Variants in STX18 observed in about 807,000 individuals in gnomAD.
STX18 encodes the protein syntaxin 18.
Under a neutral mutation model 50.1 loss-of-function variants are expected in STX18, and 40 were observed. That is an observed-to-expected ratio of 0.80 (90% CI 0.62 to 1.04). STX18 has a LOEUF of 1.04. Ranked by LOEUF, STX18 falls within the 50% of genes least tolerant of loss-of-function variation. The pLI is 0.00. For synonymous variants in STX18, 158 were observed against 151.8 expected (o/e 1.04, Z -0.30); for missense variants, 410 against 415.8 (o/e 0.99, Z 0.12).
intron 1 of STX18, among the ~76,000 whole-genome samples, chr4:4,473,192 A>T (rs1421434143): frequency 6.6e-6 from 1 of 152,086 alleles, no homozygotes; most frequent in East Asian, 1.9e-4. Flanking sequence ...AAAGCTCAGG[A>T]CTGAGTCCAA....
At chr4:4,428,641 G>A (rs1222116511) in intron 7 of STX18, among the ~76,000 whole-genome samples, 3 of 152,106 alleles carry the variant, frequency 2.0e-5, no homozygotes, top group Non-Finnish European at 4.4e-5. Flanking sequence ...AGTCCTAGAG[G>A]CCTGCTGTGG....
At chr4:4,438,338 T>C (rs1725899386) in intron 6 of STX18, 56 bp downstream of exon 6, 1 of 1,361,918 alleles carries the variant, frequency 7.3e-7, no homozygotes, top group South Asian at 1.2e-5. Context: ...TGCTGTACTC[T>C]TGCCAACATG....
At chr4:4,476,555 A>G (rs746187913) in intron 1 of STX18, among the ~76,000 whole-genome samples, 8 of 152,226 alleles carry the variant, frequency 5.3e-5, no homozygotes, top group Non-Finnish European at 1.2e-4. Context: ...AAGTCGTTTT[A>G]ATGTCCACTG....
chr4:4,527,132 A>G (rs1730807145), intron 1 of STX18, among the ~76,000 whole-genome samples: 1 of 152,160 alleles, frequency 6.6e-6, no homozygotes, highest in South Asian at 2.1e-4. Flanking sequence ...CTATTTATAT[A>G]TATTTTCTTA....
Position 4,438,292 on chromosome 4 carries a change from C to T in STX18, c.613+102G>A, listed in dbSNP as rs114935656. The stretch of plus-strand genomic sequence containing the variant: ...CCTTTGCTTTATGCAAATACAAACA[C>T]CAAAACATGTCTGAGACTGTGCTAC... On this transcript the variant is annotated intron_variant, in intron 6 of 10. Transcript: ENST00000306200. The T allele has an allele frequency of 4.5e-3, 4,106 of 911,394 alleles. 16 individuals are homozygous for T. Among genetic ancestry groups the T allele is most frequent in the Non-Finnish European group, 5.6e-3 (3,300 of 586,272 alleles). 56.5% of individuals were successfully genotyped at this position (911,394 alleles called of 1,614,324 possible). A position where few individuals can be genotyped will look rare whatever the true frequency, so the allele number is the denominator to read the frequency against.
At chr4:4,507,003 G>T in intron 1 of STX18, 1 of 375,968 alleles carries the variant, frequency 2.7e-6, no homozygotes, top group Admixed American at 3.4e-5. Flanking sequence ...CAAGCTTACT[G>T]TATGCTAATC....
chr4:4,439,044 A>G (rs994590503), intron 5 of STX18, among the ~76,000 whole-genome samples: 73 of 149,870 alleles, frequency 4.9e-4, no homozygotes, highest in Non-Finnish European at 5.3e-4. Context: ...GCACACATAT[A>G]TACATACCCT....
Position 4,419,867 on chromosome 4 carries a change from T to TG in STX18, c.*166dup. On this transcript the variant is annotated 3_prime_UTR_variant, in exon 11 of 11. Transcript: ENST00000306200. Reference sequence around the variant, plus strand: ...GCTAAATGGCTGAACACCATCGGCCTGGGGTATCCCTTTTTGGGGAATACG... The same window carrying TG: ...GCTAAATGGCTGAACACCATCGGCCTGGGGGTATCCCTTTTTGGGGAATACG... The TG allele has an allele frequency of 1.6e-6, 1 of 625,454 alleles. No individual in the cohort carries two copies. Among genetic ancestry groups the TG allele is most frequent in the South Asian group, 2.0e-5 (1 of 51,264 alleles). The allele number at this position is 625,454 out of a possible 1,614,324, so 38.7% of individuals were successfully genotyped here.
chr4:4,498,560 C>G (rs1359351261), intron 1 of STX18, among the ~76,000 whole-genome samples: 6 of 152,150 alleles, frequency 3.9e-5, no homozygotes, highest in Admixed American at 6.5e-5. Context: ...TTATCTATAT[C>G]ATTGCTCCAA....
intron 1 of STX18, among the ~76,000 whole-genome samples, chr4:4,501,735 C>G (rs560817310): frequency 6.6e-6 from 1 of 152,084 alleles, no homozygotes; most frequent in East Asian, 1.9e-4. Context: ...AACAATAACT[C>G]GGCAAATTGG....
chr4:4,437,922 C>A (rs1366351721), intron 6 of STX18, among the ~76,000 whole-genome samples: 1 of 152,248 alleles, frequency 6.6e-6, no homozygotes, highest in African/African-American at 2.4e-5. Context: ...AAGCCATGGG[C>A]CCTCTAGTAT....
At chr4:4,483,986 C>T (rs565683530) in intron 1 of STX18, among the ~76,000 whole-genome samples, 4 of 152,068 alleles carry the variant, frequency 2.6e-5, no homozygotes, top group Non-Finnish European at 5.9e-5. Flanking sequence ...CTCAGCCTCC[C>T]GAGTAGCTGG....
intron 1 of STX18, among the ~76,000 whole-genome samples, chr4:4,541,088 C>G (rs1156299607): frequency 6.6e-6 from 1 of 152,182 alleles, no homozygotes; most frequent in Non-Finnish European, 1.5e-5. Context: ...ATGGGAAAGA[C>G]AGCCATTTGT....
At position 4,516,953 on chromosome 4, in the gene STX18, G is replaced by A. The variant is rs140813221; in HGVS notation, c.168+24844C>T. Among the ~76,000 whole-genome samples the A allele has an allele frequency of 1.1e-4, 17 of 152,234 alleles. No individual in the cohort carries two copies. The East Asian group carries it at 1.9e-3, about 17-fold the overall frequency. On this transcript the variant is annotated intron_variant, in intron 1 of 10. Transcript: ENST00000306200. The stretch of plus-strand genomic sequence containing the variant: ...ATTTCCAAACATCCCATATTAAAAC[G>A]ATTTATGCAATAGCGCTATACACAA...
rs112298936 is a variant in STX18, at chr4:4,510,354, T to C, written c.168+31443A>G. Among the ~76,000 whole-genome samples the C allele has an allele frequency of 3.2e-3, 482 of 152,316 alleles. 3 individuals are homozygous for C. The highest frequency in any genetic ancestry group is 0.014 in the Middle Eastern group (4 of 294). On this transcript the variant is annotated intron_variant, in intron 1 of 10. Coordinates refer to ENST00000306200, the MANE Select transcript of STX18 (RefSeq NM_016930.4). ...AAGATTGTGTGTAAAATATAAGTAATCTTAAATCTGGGTCTTAATCTAGGT... is the reference window on the plus strand; with the variant it reads ...AAGATTGTGTGTAAAATATAAGTAACCTTAAATCTGGGTCTTAATCTAGGT...
At chr4:4,484,699 T>C (rs1440395033) in intron 1 of STX18, among the ~76,000 whole-genome samples, 1 of 152,194 alleles carries the variant, frequency 6.6e-6, no homozygotes, top group Non-Finnish European at 1.5e-5. Context: ...TGCTAACTAC[T>C]GCCGTCTAAA....
At chr4:4,437,695 G>A in intron 6 of STX18, 2 of 855,168 alleles carry the variant, frequency 2.3e-6, no homozygotes, top group Non-Finnish European at 2.8e-6. Flanking sequence ...GTCTCTCCTG[G>A]CTCCAGCACG....
At chr4:4,454,528 A>G (rs1179724551) in intron 5 of STX18, among the ~76,000 whole-genome samples, 1 of 152,190 alleles carries the variant, frequency 6.6e-6, no homozygotes, top group African/African-American at 2.4e-5. Flanking sequence ...AGTGACCACC[A>G]CACCATCTTG....
chr4:4,474,003 C>T (rs926923834), intron 1 of STX18, among the ~76,000 whole-genome samples: 4 of 152,096 alleles, frequency 2.6e-5, no homozygotes, highest in South Asian at 2.1e-4. Context: ...AAGTCCCTGC[C>T]GCACACCCCG....
Sources: allele counts gnomAD v4.1 joint callset (sites outside exome capture counted in the v4.1 genomes callset), GRCh38; gene constraint gnomAD v4.1.1; transcripts MANE v1.5; gene names NCBI Gene and HGNC (gene_info 2026-07-23, HGNC 2026-07-21).